ANKFN1: variants seen among roughly 807,000 people sequenced by gnomAD.
ANKFN1 encodes ankyrin repeat and fibronectin type III domain containing 1.
ANKFN1 carries 74 observed loss-of-function variants against 108.7 expected under a neutral mutation model. That is an observed-to-expected ratio of 0.68 (90% CI 0.56 to 0.83). ANKFN1 has a LOEUF of 0.83. ANKFN1 is among the 40% of genes least tolerant of loss of function. The pLI is 0.00. For missense variants in ANKFN1, 1,505 were observed against 1,382.3 expected, an observed-to-expected ratio of 1.09 and a Z score of -1.41; for synonymous variants, 547 against 516.2, an observed-to-expected ratio of 1.06 and a Z score of -0.81.
Position 56,441,286 on chromosome 17 carries a change from GT to G in ANKFN1, c.1008+864del, listed in dbSNP as rs201693133. On this transcript the variant is annotated intron_variant, in intron 9 of 20. Transcript: ENST00000682825. ...GAGGGATAATTTTGTTATTATTGTT[GT>G]TGTTTTCTTAAAGGTTTGTTGATTA... 3.0e-3 allele frequency among the ~76,000 whole-genome samples: 454 copies of G among 151,988 alleles called. 4 individuals carry two copies. The highest frequency in any genetic ancestry group is 0.027 in the East Asian group (139 of 5,178).
At chr17:56,385,716 A>G (rs1261803264) in intron 8 of ANKFN1, among the ~76,000 whole-genome samples, 1 of 152,266 alleles carries the variant, frequency 6.6e-6, no homozygotes, top group African/African-American at 2.4e-5. Context: ...AAACACATGA[A>G]AAAATGCTCA....
intron 6 of ANKFN1, among the ~76,000 whole-genome samples, chr17:56,354,641 G>A (rs2046328190): frequency 6.6e-6 from 1 of 152,044 alleles, no homozygotes; most frequent in Non-Finnish European, 1.5e-5. Flanking sequence ...GATAGGGAAG[G>A]GACTATTTTA....
At chr17:56,394,173 C>T (rs2047514208) in intron 8 of ANKFN1, among the ~76,000 whole-genome samples, 1 of 152,188 alleles carries the variant, frequency 6.6e-6, no homozygotes, top group Admixed American at 6.5e-5. Context: ...TTCAGTGAGC[C>T]TCACCTCAAA....
At chr17:56,398,029 G>A (rs943562089) in intron 8 of ANKFN1, among the ~76,000 whole-genome samples, 1 of 152,064 alleles carries the variant, frequency 6.6e-6, no homozygotes, top group Non-Finnish European at 1.5e-5. Context: ...TCTAAATTAG[G>A]TCTTCCTGTT....
chr17:56,219,231 G>T (rs1915667255), intron 2 of ANKFN1, among the ~76,000 whole-genome samples: 1 of 147,192 alleles, frequency 6.8e-6, no homozygotes, highest in Non-Finnish European at 1.5e-5. Context: ...TGCATTTTTT[G>T]ATTATTTGTT....
chr17:56,291,823 A>G (rs2044371375), intron 3 of ANKFN1, among the ~76,000 whole-genome samples: 1 of 152,214 alleles, frequency 6.6e-6, no homozygotes, highest in African/African-American at 2.4e-5. Context: ...TCTCTAAAGT[A>G]TCTTTTTAGC....
At chr17:56,350,648 T>C in intron 4 of ANKFN1, 118 bp from the exon 5 acceptor site, 4 of 932,976 alleles carry the variant, frequency 4.3e-6, no homozygotes, top group Non-Finnish European at 6.5e-6. Flanking sequence ...ATCTCTAAGG[T>C]CCCTACCAGC....
At position 56,440,334 on chromosome 17, in the gene ANKFN1, G is replaced by A. The variant is rs1357754221; in HGVS notation, c.918G>A (p.Trp306Ter). 1.2e-6 allele frequency: 2 copies of A among 1,609,900 alleles called. No homozygotes were observed. The highest frequency in any genetic ancestry group is 2.2e-5 in the East Asian group (1 of 44,840). The change falls in exon 9 of 21, where the codon TGG becomes TGA. Residue 306 changes from tryptophan to a stop codon, truncating the protein, a stop_gained. Transcript: ENST00000682825. LOFTEE classifies it high-confidence loss of function. ...AAVVTRYKVE[W>*]SMSEDFSPLA... ...CCCCCCTACTCCCTCCAGTGGAATGGAGTATGTCCGAAGACTTTTCTCCTT... is the reference window on the plus strand; with the variant it reads ...CCCCCCTACTCCCTCCAGTGGAATGAAGTATGTCCGAAGACTTTTCTCCTT...
At chr17:56,243,475 G>A (rs1357775345) in intron 3 of ANKFN1, among the ~76,000 whole-genome samples, 1 of 152,172 alleles carries the variant, frequency 6.6e-6, no homozygotes, top group East Asian at 1.9e-4. Context: ...CAACTCAATA[G>A]TCCCAAGGAC....
chr17:56,050,685 C>A (rs1904759556), intron 4 of ANKFN1, among the ~76,000 whole-genome samples: 2 of 151,586 alleles, frequency 1.3e-5, no homozygotes, highest in Admixed American at 1.3e-4. Flanking sequence ...TCAGGTTTGT[C>A]AAAGATCAGA....
chr17:56,264,668 C>T (rs2043603920), intron 3 of ANKFN1, among the ~76,000 whole-genome samples: 1 of 152,182 alleles, frequency 6.6e-6, no homozygotes, highest in South Asian at 2.1e-4. Flanking sequence ...GCATAGAGCA[C>T]TGACCTTGGG....
At chr17:56,052,801 A>G (rs1221328567) in intron 4 of ANKFN1, among the ~76,000 whole-genome samples, 1 of 152,162 alleles carries the variant, frequency 6.6e-6, no homozygotes, top group Admixed American at 6.5e-5. Context: ...GAAACAAGGA[A>G]GTTATACCAG....
intron 3 of ANKFN1, among the ~76,000 whole-genome samples, chr17:56,292,329 G>C (rs2044385911): frequency 6.6e-6 from 1 of 152,132 alleles, no homozygotes; most frequent in Non-Finnish European, 1.5e-5. Context: ...ATCATCTTAG[G>C]GCTGCCTTCC....
At chr17:56,437,973 GGT>G (rs150040769) in intron 8 of ANKFN1, among the ~76,000 whole-genome samples, 5,047 of 142,220 alleles carry the variant, frequency 0.035, 103 homozygotes, top group Middle Eastern at 0.043. Context: ...ATCTACTGTA[GGT>G]GTGTGTGTGT....
At position 56,350,850 on chromosome 17, in the gene ANKFN1, C is replaced by T. The variant is rs201436645; in HGVS notation, c.273C>T (p.Asn91=). The change falls in exon 5 of 21, where the codon AAC becomes AAT. Residue 91 remains asparagine (N), a synonymous_variant. Coordinates refer to ENST00000682825, the MANE Select transcript of ANKFN1 (RefSeq NM_001370326.1). ...AACATAGTGCTCCCTCATCTCCCAA[C>T]GCAGCCAAACGCCTGTACAGGAACC... The part of the protein sequence containing the change: ...SKKHSAPSSP[N]AAKRLYRNLS... 36 of 1,613,856 alleles carry T rather than the reference C, an allele frequency of 2.2e-5. No individual in the cohort carries two copies. The highest frequency in any genetic ancestry group is 8.0e-5 in the African/African-American group (6 of 75,014).
At chr17:56,467,676 T>TA (rs531411625) in intron 15 of ANKFN1, among the ~76,000 whole-genome samples, 11,973 of 74,104 alleles carry the variant, frequency 0.16, 3,004 homozygotes, top group African/African-American at 0.49. Context: ...GAATCCATCT[T>TA]AAAAAAAAAA....
At chr17:56,492,782 A>T (rs1293312884) in intron 19 of ANKFN1, among the ~76,000 whole-genome samples, 1 of 152,196 alleles carries the variant, frequency 6.6e-6, no homozygotes, top group African/African-American at 2.4e-5. Flanking sequence ...AATTAGAACT[A>T]AAATTCCTCA....
rs1386157481 is a variant in ANKFN1, at chr17:56,188,553, GTGTGTGTGTA to G, written c.-70-24035_-70-24026del. On this transcript the variant is annotated intron_variant, in intron 1 of 20. Coordinates refer to ENST00000682825, the MANE Select transcript of ANKFN1 (RefSeq NM_001370326.1). ...AATAAAATAAGATGTATATGTGTGT[GTGTGTGTGTA>G]TGTGTGTGTGTGTGTGTGTATATAT... Among the ~76,000 whole-genome samples the G allele has an allele frequency of 4.6e-3, 343 of 75,100 alleles. 3 individuals are homozygous for G. The highest frequency in any genetic ancestry group is 6.8e-3 in the Non-Finnish European group (267 of 39,510). The allele number at this position is 75,100 out of a possible 152,430, so 49.3% of individuals were successfully genotyped here.
intron 4 of ANKFN1, among the ~76,000 whole-genome samples, chr17:56,075,183 G>A (rs1452253039): frequency 1.3e-5 from 2 of 152,138 alleles, no homozygotes; most frequent in Non-Finnish European, 2.9e-5. Flanking sequence ...GTAGCACCTG[G>A]AATTGTGCTA....
Sources: allele counts gnomAD v4.1 joint callset (sites outside exome capture counted in the v4.1 genomes callset), GRCh38; gene constraint gnomAD v4.1.1; transcripts MANE v1.5; gene names NCBI Gene and HGNC (gene_info 2026-07-23, HGNC 2026-07-21).